Variants in SOX5 observed in about 807,000 individuals in gnomAD.
SOX5 encodes the protein SRY-box transcription factor 5.
In SOX5, 9 loss-of-function variants were observed where a neutral mutation model predicts 92.0. The ratio of observed to expected loss-of-function variants is 0.10; its 90% confidence interval spans 0.06 to 0.17. The LOEUF (loss-of-function observed/expected upper bound fraction) is 0.17, where lower values mean the gene tolerates loss of function less well. Ranked by LOEUF, SOX5 falls within the 10% of genes least tolerant of loss-of-function variation. The pLI is 1.00. For synonymous variants in SOX5, 344 were observed against 336.3 expected, an observed-to-expected ratio of 1.02 and a Z score of -0.25; for missense variants, 642 against 944.5, an observed-to-expected ratio of 0.68 and a Z score of 4.20.
chr12:24,546,463 A>G (rs1273200451), intron 1 of SOX5, among the ~76,000 whole-genome samples: 2 of 152,190 alleles, frequency 1.3e-5, no homozygotes, highest in Non-Finnish European at 2.9e-5. Flanking sequence ...ACACAGCCTC[A>G]TCTCGGCTAG....
At chr12:23,893,185 C>G (rs561291084) in intron 2 of SOX5, among the ~76,000 whole-genome samples, 2 of 152,164 alleles carry the variant, frequency 1.3e-5, no homozygotes, top group Non-Finnish European at 2.9e-5. Flanking sequence ...TGGTGGCTCA[C>G]GCCTGTAATC....
At chr12:23,714,862 T>G (rs189618514) in intron 6 of SOX5, among the ~76,000 whole-genome samples, 1 of 152,320 alleles carries the variant, frequency 6.6e-6, no homozygotes, top group East Asian at 1.9e-4. Flanking sequence ...AAAATTTATT[T>G]ATAAAGTTTG....
intron 1 of SOX5, among the ~76,000 whole-genome samples, chr12:24,436,407 G>T (rs962827863): frequency 6.6e-6 from 1 of 152,030 alleles, no homozygotes; most frequent in Admixed American, 6.6e-5. Flanking sequence ...TGAGTGGTCC[G>T]GATAAAAAAA....
chr12:23,769,272 G>C (rs1450519866), intron 3 of SOX5, among the ~76,000 whole-genome samples: 1 of 151,048 alleles, frequency 6.6e-6, no homozygotes, highest in Non-Finnish European at 1.5e-5. Flanking sequence ...TGAATCTCTT[G>C]TTTCCATACA....
At chr12:24,551,374 G>A (rs1331582490) in intron 1 of SOX5, among the ~76,000 whole-genome samples, 5 of 152,176 alleles carry the variant, frequency 3.3e-5, no homozygotes, top group South Asian at 2.1e-4. Flanking sequence ...CTCACTGAAC[G>A]TTAAATAGAT....
intron 4 of SOX5, among the ~76,000 whole-genome samples, chr12:24,009,508 T>C (rs940760008): frequency 6.6e-5 from 10 of 152,186 alleles, no homozygotes; most frequent in African/African-American, 2.4e-4. Flanking sequence ...TCATGGGTTC[T>C]ACAAATTACC....
intron 4 of SOX5, among the ~76,000 whole-genome samples, chr12:24,104,751 T>A (rs1483967477): frequency 6.6e-6 from 1 of 152,224 alleles, no homozygotes; most frequent in Non-Finnish European, 1.5e-5. Flanking sequence ...TTTTTGCAGA[T>A]AAGCTCATAT....
intron 1 of SOX5, among the ~76,000 whole-genome samples, chr12:24,541,962 T>C (rs1446335109): frequency 6.6e-6 from 1 of 152,196 alleles, no homozygotes; most frequent in Non-Finnish European, 1.5e-5. Context: ...AAGGACAACA[T>C]TTCTTACTTA....
intron 2 of SOX5, among the ~76,000 whole-genome samples, chr12:23,888,143 G>A (rs1487342768): frequency 6.6e-6 from 1 of 152,020 alleles, no homozygotes; most frequent in East Asian, 1.9e-4. Context: ...CTACATGAGG[G>A]AAGAGACTAG....
chr12:24,206,960 TA>T (rs2139620585), intron 4 of SOX5, among the ~76,000 whole-genome samples: 1 of 152,338 alleles, frequency 6.6e-6, no homozygotes, highest in Admixed American at 6.5e-5. Flanking sequence ...TGTCAGCTCC[TA>T]TTTCTGGGGA....
rs71059938 is a variant in SOX5 at position 23,872,164 on chromosome 12, A to ATTTTTTTT, written c.270+23621_270+23628dup. The stretch of plus-strand genomic sequence containing the variant: ...AGGCGCCCGCCACCACGCCCGGCTA[A>ATTTTTTTT]TTTTTTTTTTTTTTTTTTTTTTTTT... On this transcript the variant is annotated intron_variant, in intron 2 of 14. Transcript: ENST00000451604. Among the ~76,000 whole-genome samples the ATTTTTTTT allele has an allele frequency of 4.9e-4, 30 of 61,650 alleles. 1 individual carries two copies. The highest frequency in any genetic ancestry group is 1.6e-3 in the African/African-American group (28 of 17,434). The allele number at this position is 61,650 out of a possible 152,430, so 40.4% of individuals were successfully genotyped here.
At chr12:23,547,039 G>A (rs771776446) in intron 11 of SOX5, among the ~76,000 whole-genome samples, 25 of 152,058 alleles carry the variant, frequency 1.6e-4, no homozygotes, top group Non-Finnish European at 2.4e-4. Context: ...TTGAGTTGGC[G>A]AATTATTTGA....
intron 1 of SOX5, among the ~76,000 whole-genome samples, chr12:24,547,769 C>G (rs182902248): frequency 3.9e-5 from 6 of 152,306 alleles, no homozygotes; most frequent in Non-Finnish European, 1.5e-5. Flanking sequence ...TTCTCTATCA[C>G]TATACTTATC....
chr12:24,331,893 A>G (rs1467112601), intron 2 of SOX5, among the ~76,000 whole-genome samples: 4 of 149,112 alleles, frequency 2.7e-5, no homozygotes, highest in East Asian at 1.9e-4. Context: ...AATTTAAAAT[A>G]CAATCACTGA....
At chr12:23,593,688 A>T (rs576879551) in intron 9 of SOX5, among the ~76,000 whole-genome samples, 428 of 152,082 alleles carry the variant, frequency 2.8e-3, no homozygotes, top group African/African-American at 9.8e-3. Flanking sequence ...AAATGATATA[A>T]TTTTTTTTAC....
At chr12:24,045,391 C>T (rs565125896) in intron 4 of SOX5, among the ~76,000 whole-genome samples, 3 of 152,270 alleles carry the variant, frequency 2.0e-5, no homozygotes, top group African/African-American at 7.2e-5. Context: ...AAAGACCTCC[C>T]AGGCTCAAGA....
At chr12:24,039,135 G>A (rs1455024546) in intron 4 of SOX5, among the ~76,000 whole-genome samples, 1 of 152,044 alleles carries the variant, frequency 6.6e-6, no homozygotes, top group Admixed American at 6.5e-5. Flanking sequence ...AAATACTAAA[G>A]TAAAAAAATG....
At chr12:24,105,763 AC>A (rs1414587811) in intron 4 of SOX5, among the ~76,000 whole-genome samples, 2 of 152,204 alleles carry the variant, frequency 1.3e-5, no homozygotes, top group African/African-American at 4.8e-5. Context: ...ATTTTATGTT[AC>A]CATAGTCAGA....
chr12:24,486,657 C>T (rs1366321076), intron 1 of SOX5, among the ~76,000 whole-genome samples: 1 of 152,172 alleles, frequency 6.6e-6, no homozygotes, highest in Non-Finnish European at 1.5e-5. Context: ...AAAAATAAGA[C>T]TCATAGAATG....
Sources: allele counts gnomAD v4.1 joint callset (sites outside exome capture counted in the v4.1 genomes callset), GRCh38; gene constraint gnomAD v4.1.1; transcripts MANE v1.5; gene names NCBI Gene and HGNC (gene_info 2026-07-23, HGNC 2026-07-21).